The following EEFSEC variants were observed in gnomAD, a reference collection of about 807,000 sequenced individuals.
EEFSEC encodes the protein selenocysteine-specific elongation factor.
EEFSEC carries 43 observed loss-of-function variants against 42.1 expected under a neutral mutation model. The observed-to-expected ratio is 1.02, with a 90% CI of 0.80 to 1.32. The LOEUF (loss-of-function observed/expected upper bound fraction) is 1.32. Ranked by LOEUF, EEFSEC falls within the 40% of genes most tolerant of loss-of-function variation. The pLI is 0.00. For synonymous variants in EEFSEC, 354 were observed against 339.1 expected (o/e 1.04, Z -0.48); for missense variants, 745 against 803.6 (o/e 0.93, Z 0.88).
chr3:128,212,471 C>T (rs558009859), intron 1 of EEFSEC, among the ~76,000 whole-genome samples: 1 of 152,150 alleles, frequency 6.6e-6, no homozygotes, highest in South Asian at 2.1e-4. Context: ...GACTCAGAGC[C>T]CTGCTTTTGA....
chr3:128,285,129 C>T (rs921438058), intron 4 of EEFSEC, among the ~76,000 whole-genome samples: 2 of 151,956 alleles, frequency 1.3e-5, no homozygotes, highest in South Asian at 4.2e-4. Flanking sequence ...TAAGAGGTAC[C>T]TAGGGTGCCT....
intron 1 of EEFSEC, among the ~76,000 whole-genome samples, chr3:128,160,625 A>C (rs945196954): frequency 6.6e-6 from 1 of 152,208 alleles, no homozygotes; most frequent in Non-Finnish European, 1.5e-5. Context: ...CATCCCTGGG[A>C]GATCGGGCTC....
intron 4 of EEFSEC, among the ~76,000 whole-genome samples, chr3:128,316,405 A>G (rs751251415): frequency 2.2e-4 from 34 of 152,328 alleles, no homozygotes; most frequent in Non-Finnish European, 3.7e-4. Flanking sequence ...ATGTAGCAGA[A>G]CCATCTCATA....
chr3:128,409,487 C>T (rs2068158903), downstream of EEFSEC, among the ~76,000 whole-genome samples: 1 of 152,162 alleles, frequency 6.6e-6, no homozygotes, highest in Admixed American at 6.5e-5. Context: ...GCGACTGGCC[C>T]AGCCACCCTT....
chr3:128,390,441 G>A (rs1735532), intron 6 of EEFSEC, among the ~76,000 whole-genome samples: 2 of 152,236 alleles, frequency 1.3e-5, no homozygotes, highest in Non-Finnish European at 2.9e-5. Flanking sequence ...GAGGGGGTTA[G>A]AGCTTTGACC....
At chr3:128,355,609 TAAAA>T (rs5852542) in intron 5 of EEFSEC, among the ~76,000 whole-genome samples, 14 of 122,716 alleles carry the variant, frequency 1.1e-4, no homozygotes, top group Admixed American at 1.6e-4. Flanking sequence ...AATGAAGCTG[TAAAA>T]AAAAAAAAAA....
At chr3:128,153,875 C>A in intron 1 of EEFSEC, 52 bp downstream of exon 1, 1 of 1,448,040 alleles carries the variant, frequency 6.9e-7, no homozygotes, top group Non-Finnish European at 9.0e-7. Context: ...GCGGAGCGAC[C>A]GGGCCCCGTG....
intron 4 of EEFSEC, among the ~76,000 whole-genome samples, chr3:128,334,591 T>C (rs1266693635): frequency 6.6e-6 from 1 of 152,260 alleles, no homozygotes; most frequent in Non-Finnish European, 1.5e-5. Flanking sequence ...GTCAAAATAT[T>C]GACCTGCCTG....
Position 128,230,302 on chromosome 3 carries a change from C to T in EEFSEC, c.317-16534C>T, listed in dbSNP as rs542885184. Among the ~76,000 whole-genome samples, 6 of 152,298 alleles carry T rather than the reference C, an allele frequency of 3.9e-5. No individual in the cohort carries two copies. In the South Asian group the frequency reaches 1.2e-3, roughly 32 times the overall value. ...CCAGGACTACAGGCATGTGCCACTGCACCTGGCTAATTTTTGTTTTTTAAA... is the reference window on the plus strand; with the variant it reads ...CCAGGACTACAGGCATGTGCCACTGTACCTGGCTAATTTTTGTTTTTTAAA... On this transcript the variant is annotated intron_variant, in intron 1 of 6. Transcript: ENST00000254730.
At chr3:128,202,276 A>G (rs546728002) in intron 1 of EEFSEC, among the ~76,000 whole-genome samples, 1 of 152,340 alleles carries the variant, frequency 6.6e-6, no homozygotes, top group South Asian at 2.1e-4. Flanking sequence ...CTATAGCTCA[A>G]TCGAGGGAAA....
chr3:128,387,424 A>G (rs2977562), intron 6 of EEFSEC, among the ~76,000 whole-genome samples: 59,933 of 152,172 alleles, frequency 0.39, 14,146 homozygotes, highest in African/African-American at 0.66. Flanking sequence ...ACAAAGGTGC[A>G]TGAGTCCAGG....
intron 1 of EEFSEC, among the ~76,000 whole-genome samples, chr3:128,207,776 A>C (rs963569398): frequency 1.3e-5 from 2 of 152,204 alleles, no homozygotes; most frequent in African/African-American, 4.8e-5. Context: ...ATGGGTAGAC[A>C]GCTCAGTAAA....
chr3:128,416,536 G>C, the EEFSEC span, among the ~76,000 whole-genome samples: 2 of 152,184 alleles, frequency 1.3e-5, no homozygotes, highest in Non-Finnish European at 2.9e-5. Flanking sequence ...GCTTGTCCCT[G>C]AAAGAATGAA....
intron 4 of EEFSEC, among the ~76,000 whole-genome samples, chr3:128,324,098 A>G (rs373115139): frequency 6.6e-5 from 10 of 152,258 alleles, no homozygotes; most frequent in African/African-American, 2.4e-4. Context: ...CTCACCTTGC[A>G]TACTCTTTGG....
At chr3:128,235,941 GGTTT>G (rs66797888) in intron 1 of EEFSEC, among the ~76,000 whole-genome samples, 27,323 of 149,096 alleles carry the variant, frequency 0.18, 2,637 homozygotes, top group Middle Eastern at 0.24. Flanking sequence ...GATGGGCAAA[GGTTT>G]GTTTGTTTGT....
At chr3:128,397,065 T>C (rs1025038297) in intron 6 of EEFSEC, among the ~76,000 whole-genome samples, 2 of 152,172 alleles carry the variant, frequency 1.3e-5, no homozygotes, top group Admixed American at 6.5e-5. Context: ...CTGGAAGTGT[T>C]TGGAGACAAG....
intron 4 of EEFSEC, among the ~76,000 whole-genome samples, chr3:128,336,047 C>T (rs534610787): frequency 6.6e-6 from 1 of 152,256 alleles, no homozygotes; most frequent in South Asian, 2.1e-4. Flanking sequence ...CTCCCAGCTC[C>T]AGTCTCCACC....
At chr3:128,180,229 A>G (rs1188639597) in intron 1 of EEFSEC, among the ~76,000 whole-genome samples, 2 of 152,226 alleles carry the variant, frequency 1.3e-5, no homozygotes, top group African/African-American at 4.8e-5. Context: ...TACTTAAGAC[A>G]AAACTACGAA....
At chr3:128,324,525 C>T (rs923910980) in intron 4 of EEFSEC, among the ~76,000 whole-genome samples, 1 of 152,186 alleles carries the variant, frequency 6.6e-6, no homozygotes, top group Admixed American at 6.5e-5. Flanking sequence ...TGCCTTACTC[C>T]ATGGAGTTAC....
Sources: allele counts gnomAD v4.1 joint callset (sites outside exome capture counted in the v4.1 genomes callset), GRCh38; gene constraint gnomAD v4.1.1; transcripts MANE v1.5; gene names NCBI Gene and HGNC (gene_info 2026-07-23, HGNC 2026-07-21).